STXBP5L: variants seen among roughly 807,000 people sequenced by gnomAD.
STXBP5L encodes syntaxin-binding protein 5-like.
STXBP5L carries 65 observed loss-of-function variants against 144.5 expected under a neutral mutation model. That is an observed-to-expected ratio of 0.45 (90% CI 0.37 to 0.55). The LOEUF (loss-of-function observed/expected upper bound fraction) is 0.55, where lower values mean the gene tolerates loss of function less well. Ranked by LOEUF, STXBP5L falls within the 20% of genes least tolerant of loss-of-function variation. STXBP5L has a pLI of 0.00. For missense variants in STXBP5L, 1,298 were observed against 1,405.5 expected, an observed-to-expected ratio of 0.92 and a Z score of 1.22; for synonymous variants, 505 against 469.6, an observed-to-expected ratio of 1.08 and a Z score of -0.97.
At chr3:121,103,745 C>T (rs1425501065) in intron 5 of STXBP5L, among the ~76,000 whole-genome samples, 1 of 152,050 alleles carries the variant, frequency 6.6e-6, no homozygotes, top group African/African-American at 2.4e-5. Context: ...ACATAAAATG[C>T]TTGCATTACA....
At chr3:121,028,008 G>T (rs557605896) in intron 3 of STXBP5L, among the ~76,000 whole-genome samples, 2 of 152,112 alleles carry the variant, frequency 1.3e-5, no homozygotes, top group South Asian at 4.1e-4. Context: ...ATATGCAATA[G>T]GGCCAGAAAT....
chr3:121,418,199 A>C, intron 25 of STXBP5L, 138 bp from the exon 26 acceptor site: 1 of 985,502 alleles, frequency 1.0e-6, no homozygotes, highest in East Asian at 2.6e-5. Flanking sequence ...AAATACATAT[A>C]TGACTGGACC....
chr3:121,231,766 T>C (rs1332714759), intron 11 of STXBP5L, among the ~76,000 whole-genome samples: 2 of 152,212 alleles, frequency 1.3e-5, no homozygotes, highest in Non-Finnish European at 2.9e-5. Context: ...GGGAGCAATG[T>C]AGTCCCTCTA....
At chr3:121,013,540 A>G (rs1197113707) in intron 3 of STXBP5L, among the ~76,000 whole-genome samples, 1 of 150,808 alleles carries the variant, frequency 6.6e-6, no homozygotes, top group Non-Finnish European at 1.5e-5. Context: ...CAACGGAGTT[A>G]TTTGTTTCTT....
intron 5 of STXBP5L, among the ~76,000 whole-genome samples, chr3:121,108,556 G>A (rs948864340): frequency 2.6e-5 from 4 of 152,114 alleles, no homozygotes; most frequent in Admixed American, 6.6e-5. Flanking sequence ...TGCATCCCGG[G>A]GATGAAGCCA....
At chr3:121,329,864 C>T (rs1006209696) in intron 20 of STXBP5L, among the ~76,000 whole-genome samples, 45 of 152,046 alleles carry the variant, frequency 3.0e-4, no homozygotes, top group Admixed American at 2.9e-3. Context: ...TGTTCCCCCA[C>T]ATTCCTCTTG....
At chr3:121,094,235 A>G (rs1423868980) in intron 5 of STXBP5L, among the ~76,000 whole-genome samples, 4 of 152,076 alleles carry the variant, frequency 2.6e-5, no homozygotes, top group African/African-American at 9.7e-5. Context: ...GTGCTGAAAA[A>G]AATGTATATT....
At chr3:121,374,980 A>C (rs535243770) in intron 20 of STXBP5L, among the ~76,000 whole-genome samples, 1 of 139,330 alleles carries the variant, frequency 7.2e-6, no homozygotes, top group African/African-American at 2.7e-5. Flanking sequence ...ATGGACATAG[A>C]GTGCAGAATA....
intron 5 of STXBP5L, among the ~76,000 whole-genome samples, chr3:121,072,699 T>G (rs1446477056): frequency 1.3e-5 from 2 of 152,210 alleles, no homozygotes; most frequent in Non-Finnish European, 2.9e-5. Context: ...TTACAGCTCT[T>G]TTGGCTTCTC....
At chr3:121,044,427 C>T (rs1455647744) in intron 4 of STXBP5L, among the ~76,000 whole-genome samples, 1 of 152,084 alleles carries the variant, frequency 6.6e-6, no homozygotes, top group Non-Finnish European at 1.5e-5. Context: ...ATTTCAATAT[C>T]GTTCTTCCTA....
intron 3 of STXBP5L, among the ~76,000 whole-genome samples, chr3:120,990,246 A>G (rs951948979): frequency 1.3e-5 from 2 of 152,226 alleles, no homozygotes; most frequent in African/African-American, 4.8e-5. Flanking sequence ...AATCCAACTT[A>G]CAAGGGACGT....
intron 5 of STXBP5L, among the ~76,000 whole-genome samples, chr3:121,061,102 G>T (rs1665337168): frequency 6.6e-6 from 1 of 152,004 alleles, no homozygotes; most frequent in Non-Finnish European, 1.5e-5. Context: ...TTCTCCTGTG[G>T]GCATTTAATG....
intron 11 of STXBP5L, among the ~76,000 whole-genome samples, chr3:121,230,976 A>G (rs887272538): frequency 1.3e-5 from 2 of 152,188 alleles, no homozygotes; most frequent in Non-Finnish European, 2.9e-5. Context: ...TCTACATTAG[A>G]TTACCTAAGG....
intron 3 of STXBP5L, among the ~76,000 whole-genome samples, chr3:120,972,101 G>A (rs968830257): frequency 6.6e-6 from 1 of 151,894 alleles, no homozygotes; most frequent in Non-Finnish European, 1.5e-5. Context: ...CTTATTCTAT[G>A]GGGAATGATG....
At chr3:121,167,258 A>G (rs1351937671) in intron 9 of STXBP5L, among the ~76,000 whole-genome samples, 1 of 152,220 alleles carries the variant, frequency 6.6e-6, no homozygotes, top group Non-Finnish European at 1.5e-5. Flanking sequence ...AACCTAAGAA[A>G]TATAGTAAGC....
chr3:121,314,706 A>C (rs1440024341), intron 19 of STXBP5L, among the ~76,000 whole-genome samples: 4 of 152,124 alleles, frequency 2.6e-5, no homozygotes, highest in Admixed American at 6.5e-5. Context: ...CAACCTACAA[A>C]ATGGGAGAAA....
chr3:121,056,802 G>A (rs997635466), intron 5 of STXBP5L, among the ~76,000 whole-genome samples: 38 of 151,714 alleles, frequency 2.5e-4, no homozygotes, highest in African/African-American at 9.2e-4. Context: ...AATATAATAT[G>A]TAACATAATT....
chr3:121,301,238 A>G (rs904079756), intron 19 of STXBP5L, among the ~76,000 whole-genome samples: 3 of 152,144 alleles, frequency 2.0e-5, no homozygotes, highest in African/African-American at 7.2e-5. Context: ...AGTGGTTTGT[A>G]GTTCTCCTTA....
chr3:121,224,943 G>T (rs900876452), intron 11 of STXBP5L, among the ~76,000 whole-genome samples: 1 of 152,076 alleles, frequency 6.6e-6, no homozygotes. Flanking sequence ...ATAAATTTCT[G>T]CACGTTGGTA....
Sources: gnomAD v4.1 joint callset for allele counts (sites outside exome capture counted in the v4.1 genomes callset) on GRCh38, gnomAD v4.1.1 for gene constraint, MANE v1.5 for transcripts, NCBI Gene and HGNC (gene_info 2026-07-23, HGNC 2026-07-21) for gene names.